ZFP36L2: variants seen among roughly 807,000 people sequenced by gnomAD.
ZFP36L2 encodes mRNA decay activator protein ZFP36L2.
A neutral mutation model predicts 27.9 loss-of-function variants in ZFP36L2; 16 were observed. That is an observed-to-expected ratio of 0.57 (90% confidence interval 0.39 to 0.87). The LOEUF is 0.87. ZFP36L2 is among the 40% of genes least tolerant of loss of function. The pLI is 0.00. For synonymous variants in ZFP36L2, 600 were observed against 363.8 expected (o/e 1.65, Z -7.39); for missense variants, 989 against 726.9 (o/e 1.36, Z -4.15).
chr2:43,225,686 C>A lies in ZFP36L2; in HGVS notation c.118G>T (p.Val40Leu). The A allele has an allele frequency of 1.3e-6, 2 of 1,594,036 alleles. No homozygotes were observed. Among genetic ancestry groups the A allele is most frequent in the Non-Finnish European group, 1.7e-6 (2 of 1,178,104 alleles). ...MLDKKAVGTP[V>L]AAAPSSGFAP... ...AAGCCCGAGCTGGGGGCGGCGGCCACAGGCGTCCCCACCGCCTTCTTGTCC... is the reference window on the plus strand; with the variant it reads ...AAGCCCGAGCTGGGGGCGGCGGCCAAAGGCGTCCCCACCGCCTTCTTGTCC... Residue 40 changes from valine to leucine, a missense_variant, in exon 2 of 2, where the codon GTG (valine) becomes TTG (leucine). Transcript: ENST00000282388.
chr2:43,224,894 A>C lies in ZFP36L2; in HGVS notation c.910T>G (p.Ser304Ala), dbSNP rs1380718663. 2.6e-6 allele frequency: 4 copies of C among 1,534,320 alleles called. No homozygotes were observed. Among genetic ancestry groups the C allele is most frequent in the Middle Eastern group, 2.2e-4 (1 of 4,600 alleles). Residue 304 changes from serine (S) to alanine (A), a missense_variant, in exon 2 of 2, where the codon TCC becomes GCC. Coordinates refer to ENST00000282388, the MANE Select transcript of ZFP36L2 (RefSeq NM_006887.5). ...GCCGCGGAGGCCGAGGAACAGGAGG[A>C]GGCGGAGGAGGAGCAGGACGAGGCC... The part of the protein sequence containing the change: ...SSASSCSSSA[S>A]SCSSASAAST...
chr2:43,225,879 C>T (rs1667088401), intron 1 of ZFP36L2, 127 bp from the exon 2 acceptor site: 4 of 1,032,228 alleles, frequency 3.9e-6, no homozygotes, highest in Non-Finnish European at 5.5e-6. Context: ...CGGATCCCGA[C>T]TCGGCCTCCA....
Position 43,224,523 on chromosome 2 carries a change from C to T in ZFP36L2, c.1281G>A (p.Pro427=), listed in dbSNP as rs1558427809. 1.4e-6 allele frequency: 2 copies of T among 1,472,940 alleles called. No individual in the cohort carries two copies. The highest frequency in any genetic ancestry group is 4.7e-5 in the Admixed American group (2 of 42,878). 91.2% of individuals were successfully genotyped at this position (1,472,940 alleles called of 1,614,324 possible). ...LPAGAAAPPS[P]PFSFQLPRRL... is the part of the protein sequence containing the mutation. Reference sequence around the variant, plus strand: ...GGCGCGGCAGCTGGAAGCTGAAGGGCGGCGAGGGAGGTGCGGCGGCCCCGG... The same window carrying T: ...GGCGCGGCAGCTGGAAGCTGAAGGGTGGCGAGGGAGGTGCGGCGGCCCCGG... Residue 427 remains proline, a synonymous_variant, in exon 2 of 2, where the codon CCG becomes CCA. Transcript: ENST00000282388.
rs1292901305 is a variant in ZFP36L2 at position 43,223,985 on chromosome 2, T to G, written c.*334A>C. ...AAACTCATCGGAGTCCTAACAAAGT[T>G]TAAGTGTTTTTTTTTTTTTTTTGTT... On this transcript the variant is annotated 3_prime_UTR_variant, in exon 2 of 2. Coordinates refer to ENST00000282388, the MANE Select transcript of ZFP36L2 (RefSeq NM_006887.5). The G allele has an allele frequency of 4.4e-6, 1 of 226,316 alleles. No homozygotes were observed. Among genetic ancestry groups the G allele is most frequent in the Non-Finnish European group, 8.4e-6 (1 of 118,726 alleles). 14.0% of individuals were successfully genotyped at this position (226,316 alleles called of 1,614,324 possible).
Position 43,225,332 on chromosome 2 carries a change from G to A in ZFP36L2, c.472C>T (p.Leu158=), listed in dbSNP as rs1189685973. Residue 158 remains leucine, a synonymous_variant, in exon 2 of 2, where the codon CTG becomes TTG. Transcript: ENST00000282388. ...QINSTRYKTE[L]CRPFEESGTC... ...CCGCTCTCCTCGAAGGGCCGGCACA[G>A]CTCGGTCTTGTAGCGCGTGGAGTTG... is the stretch of plus-strand genomic sequence containing the variant. 1 of 1,613,284 alleles carries A rather than the reference G, an allele frequency of 6.2e-7. No homozygotes were observed. Among genetic ancestry groups the A allele is most frequent in the South Asian group, 1.1e-5 (1 of 91,086 alleles).
chr2:43,226,453 G>A lies in ZFP36L2; in HGVS notation c.-138C>T. 3 of 1,143,164 alleles carry A rather than the reference G, an allele frequency of 2.6e-6. No homozygotes were observed. Among genetic ancestry groups the A allele is most frequent in the Admixed American group, 2.1e-5 (1 of 47,182 alleles). The allele number at this position is 1,143,164 out of a possible 1,614,324, so 70.8% of individuals were successfully genotyped here. A position where few individuals can be genotyped will look rare whatever the true frequency, so the allele number is the denominator to read the frequency against. On this transcript the variant is annotated 5_prime_UTR_variant, in exon 1 of 2. Transcript: ENST00000282388. Reference sequence around the variant, plus strand: ...GCCGAAAGTTTGCCGGGGGGCGAGAGGAGAGGGCGAGTGCAGCGGCGCGGG... The same window carrying A: ...GCCGAAAGTTTGCCGGGGGGCGAGAAGAGAGGGCGAGTGCAGCGGCGCGGG...
At chr2:43,225,823 AGG>A in intron 1 of ZFP36L2, 71 bp from the exon 2 acceptor site, 1 of 1,446,706 alleles carries the variant, frequency 6.9e-7, no homozygotes, top group Non-Finnish European at 9.3e-7. Context: ...CGAGCCGCAG[AGG>A]AACTCCCAGC....
rs1418212155 is a variant in ZFP36L2, at chr2:43,225,061, C to T, written c.743G>A (p.Arg248Gln). Reference protein sequence around the residue: ...TRDALHLGFPREPRPKLHHSL... With the variant: ...TRDALHLGFPQEPRPKLHHSL... ...GTGGTGCAACTTGGGCCGCGGCTCC[C>T]GCGGGAAGCCCAGGTGCAACGCATC... The change falls in exon 2 of 2, where the codon CGG becomes CAG. Residue 248 changes from arginine to glutamine, a missense_variant. Arg to Gln is a conservative substitution (Grantham distance 43). Coordinates refer to ENST00000282388, the MANE Select transcript of ZFP36L2 (RefSeq NM_006887.5). The T allele has an allele frequency of 6.3e-7, 1 of 1,594,572 alleles. No individual in the cohort carries two copies.
chr2:43,224,676 G>A lies in ZFP36L2; in HGVS notation c.1128C>T (p.Leu376=), dbSNP rs1217006281. The change falls in exon 2 of 2, where the codon CTC becomes CTT. Residue 376 remains leucine, a synonymous_variant. Coordinates refer to ENST00000282388, the MANE Select transcript of ZFP36L2 (RefSeq NM_006887.5). ...GPELSSLITP[L]AIQTHNFAAV... is the part of the protein sequence containing the mutation. ...CGGCAAAGTTGTGGGTCTGGATGGC[G>A]AGCGGCGTGATGAGGCTGCTGAGCT... 3 of 1,540,162 alleles carry A rather than the reference G, an allele frequency of 1.9e-6. No individual in the cohort carries two copies. Among genetic ancestry groups the A allele is most frequent in the Non-Finnish European group, 2.6e-6 (3 of 1,148,648 alleles).
rs1024785564 is a variant in ZFP36L2, at chr2:43,224,772, C to T, written c.1032G>A (p.Leu344=). The part of the protein sequence containing the change: ...LYGTGGAEDL[L]APGAPCAACS... ...AGGCCGCGCACGGGGCCCCCGGCGC[C>T]AGCAGGTCCTCGGCGCCCCCGGTGC... The change falls in exon 2 of 2, where the codon CTG becomes CTA. Residue 344 remains leucine, a synonymous_variant. Transcript: ENST00000282388. The T allele has an allele frequency of 6.8e-7, 1 of 1,479,670 alleles. No homozygotes were observed. The highest frequency in any genetic ancestry group is 2.4e-5 in the Admixed American group (1 of 42,384). 91.7% of individuals were successfully genotyped at this position (1,479,670 alleles called of 1,614,324 possible).
Position 43,224,436 on chromosome 2 carries a change from G to A in ZFP36L2, c.1368C>T (p.Arg456=). Residue 456 remains arginine (R), a synonymous_variant, in exon 2 of 2, where the codon CGC becomes CGT. Transcript: ENST00000282388. Reference sequence around the variant, plus strand: ...TCAGGGAGCCGCTTAGGTAGCTGTCGCGGTCCGACAGCGAGTCCGGGGGGC... The same window carrying A: ...TCAGGGAGCCGCTTAGGTAGCTGTCACGGTCCGACAGCGAGTCCGGGGGGC... ...PPSPPDSLSD[R]DSYLSGSLSS... The A allele has an allele frequency of 2.6e-6, 4 of 1,539,038 alleles. No individual in the cohort carries two copies. Among genetic ancestry groups the A allele is most frequent in the Middle Eastern group, 2.2e-4 (1 of 4,580 alleles).
rs1202313614 is a variant in ZFP36L2, at chr2:43,224,196, A to G, written c.*123T>C. On this transcript the variant is annotated 3_prime_UTR_variant, in exon 2 of 2. Transcript: ENST00000282388. ...AGTCCAAGTGCTCGGTCGGGCTTGC[A>G]GTCTGCCTAGGGCCCATGTCACCCC... 4 of 1,018,278 alleles carry G rather than the reference A, an allele frequency of 3.9e-6. No individual in the cohort carries two copies. Among genetic ancestry groups the G allele is most frequent in the East Asian group, 3.2e-5 (1 of 30,836 alleles). 63.1% of individuals were successfully genotyped at this position (1,018,278 alleles called of 1,614,324 possible). A position where few individuals can be genotyped will look rare whatever the true frequency, so the allele number is the denominator to read the frequency against.
At chr2:43,225,871 G>A (rs1667088115) in intron 1 of ZFP36L2, 119 bp from the exon 2 acceptor site, 6 of 1,117,980 alleles carry the variant, frequency 5.4e-6, no homozygotes, top group African/African-American at 1.6e-5. Context: ...ACTCTTGGCG[G>A]ATCCCGACTC....
At chr2:43,225,806 C>T (rs1667086463) in intron 1 of ZFP36L2, 54 bp from the exon 2 acceptor site, 1 of 1,516,324 alleles carries the variant, frequency 6.6e-7, no homozygotes, top group African/African-American at 1.4e-5. Flanking sequence ...GGAAGACAGA[C>T]TCGGGGCGAG....
rs1444573842 is a variant in ZFP36L2 at position 43,224,087 on chromosome 2, G to A, written c.*232C>T. 6 of 392,504 alleles carry A rather than the reference G, an allele frequency of 1.5e-5. No individual in the cohort carries two copies. The highest frequency in any genetic ancestry group is 1.8e-5 in the Non-Finnish European group (4 of 226,374). 24.3% of individuals were successfully genotyped at this position (392,504 alleles called of 1,614,324 possible). A position where few individuals can be genotyped will look rare whatever the true frequency, so the allele number is the denominator to read the frequency against. Reference sequence around the variant, plus strand: ...TTCGACTTTTTTGCTCAAAAAGAATGAAACTTCGTAATAAAAATAAAAAAA... The same window carrying A: ...TTCGACTTTTTTGCTCAAAAAGAATAAAACTTCGTAATAAAAATAAAAAAA... On this transcript the variant is annotated 3_prime_UTR_variant, in exon 2 of 2. Transcript: ENST00000282388.
chr2:43,224,343 G>T lies in ZFP36L2; in HGVS notation c.1461C>A (p.Ser487Arg). The T allele has an allele frequency of 6.4e-7, 1 of 1,574,194 alleles. No homozygotes were observed. Residue 487 changes from serine (S) to arginine (R), a missense_variant, in exon 2 of 2, where the codon AGC becomes AGA. Transcript: ENST00000282388. The stretch of plus-strand genomic sequence containing the variant: ...CTCAGTCGTCGGAGATGGAGAGGCG[G>T]CTGAAGATTGGCAGGCGGCGGCCAG... ...LDPGRRLPIF[S>R]RLSISDD
rs2103976962 is a variant in ZFP36L2, at chr2:43,225,480, G to A, written c.324C>T (p.Gly108=). The part of the protein sequence containing the change: ...YGTLKEPSGG[G]GTALLNKENK... ...TCTCCTTGTTGAGCAGGGCTGTGCCGCCGCCCCCCGACGGCTCCTTAAGGG... is the reference window on the plus strand; with the variant it reads ...TCTCCTTGTTGAGCAGGGCTGTGCCACCGCCCCCCGACGGCTCCTTAAGGG... The change falls in exon 2 of 2, where the codon GGC becomes GGT. Residue 108 remains glycine, a synonymous_variant. Transcript: ENST00000282388. The A allele has an allele frequency of 1.2e-6, 2 of 1,610,860 alleles. No homozygotes were observed. Among genetic ancestry groups the A allele is most frequent in the South Asian group, 1.1e-5 (1 of 90,914 alleles).
chr2:43,224,341 C>A lies in ZFP36L2; in HGVS notation c.1463G>T (p.Arg488Leu). The change falls in exon 2 of 2, where the codon CGC (arginine) becomes CTC (leucine). Residue 488 changes from arginine to leucine, a missense_variant. Physicochemically the swap from Arg to Leu is moderately radical, Grantham distance 102. Coordinates refer to ENST00000282388, the MANE Select transcript of ZFP36L2 (RefSeq NM_006887.5). ...GCCTCAGTCGTCGGAGATGGAGAGG[C>A]GGCTGAAGATTGGCAGGCGGCGGCC... Reference protein sequence around the residue: ...DPGRRLPIFSRLSISDD With the variant: ...DPGRRLPIFSLLSISDD 6.3e-7 allele frequency: 1 copy of A among 1,577,490 alleles called. No individual in the cohort carries two copies. The highest frequency in any genetic ancestry group is 1.7e-5 in the Admixed American group (1 of 57,418).
Position 43,224,643 on chromosome 2 carries a change from G to GTGC in ZFP36L2, c.1160_1161insGCA (p.Ala387_Ala388insHis), listed in dbSNP as rs1667042867. Reference sequence around the variant, plus strand: ...GCTGACTGCGGTAGTAGGCGGCGGCGGCCACGGCGGCAAAGTTGTGGGTCT... The same window carrying GTGC: ...GCTGACTGCGGTAGTAGGCGGCGGCGTGCGCCACGGCGGCAAAGTTGTGGGTCT... On this transcript the variant is annotated inframe_insertion, in exon 2 of 2. Coordinates refer to ENST00000282388, the MANE Select transcript of ZFP36L2 (RefSeq NM_006887.5). 6.7e-7 allele frequency: 1 copy of GTGC among 1,502,714 alleles called. No individual in the cohort carries two copies. The highest frequency in any genetic ancestry group is 1.4e-5 in the African/African-American group (1 of 69,562). The allele number at this position is 1,502,714 out of a possible 1,614,324, so 93.1% of individuals were successfully genotyped here. A position where few individuals can be genotyped will look rare whatever the true frequency, so the allele number is the denominator to read the frequency against.
Sources: gnomAD v4.1 joint callset for allele counts on GRCh38, gnomAD v4.1.1 for gene constraint, MANE v1.5 for transcripts, NCBI Gene and HGNC (gene_info 2026-07-23, HGNC 2026-07-21) for gene names.